AVIL: variants seen among roughly 807,000 people sequenced by gnomAD.
AVIL encodes the protein advillin.
A neutral mutation model predicts 109.9 loss-of-function variants in AVIL; 78 were observed. The ratio of observed to expected loss-of-function variants is 0.71; its 90% CI spans 0.59 to 0.86. AVIL has a LOEUF of 0.86. AVIL is among the 40% of genes least tolerant of loss of function. The probability of loss-of-function intolerance (pLI) is 0.00; values close to 1 mark genes in which losing one functional copy is unlikely to be tolerated. For missense variants in AVIL, 892 were observed against 1,016.5 expected (o/e 0.88, Z 1.67); for synonymous variants, 367 against 379.1 (o/e 0.97, Z 0.37).
Position 57,808,235 on chromosome 12 carries a change from C to A in AVIL, c.1153G>T (p.Ala385Ser). 1 of 1,614,208 alleles carries A rather than the reference C, an allele frequency of 6.2e-7. No homozygotes were observed. Among genetic ancestry groups the A allele is most frequent in the South Asian group, 1.1e-5 (1 of 91,086 alleles). Residue 385 changes from alanine to serine, a missense_variant, in exon 11 of 20, where the codon GCC becomes TCC. Coordinates refer to ENST00000549994, the MANE Select transcript of AVIL (RefSeq NM_006576.4). Reference sequence around the variant, plus strand: ...CCATCATCGACCATTCTTTCCTGGGCAGCTACCTCTGGCTTGGTGTGTAGC... The same window carrying A: ...CCATCATCGACCATTCTTTCCTGGGAAGCTACCTCTGGCTTGGTGTGTAGC... ...TLLHTKPEVAAQERMVDDGNG... is the reference protein window; with the variant it reads ...TLLHTKPEVASQERMVDDGNG...
intron 3 of AVIL, 64 bp from the exon 4 acceptor site, chr12:57,813,487 G>A: frequency 6.7e-7 from 1 of 1,491,524 alleles, no homozygotes; most frequent in Middle Eastern, 2.4e-4. Context: ...GCTGGCCCCT[G>A]TTATGGGGAG....
At chr12:57,803,103 T>G (rs1595159756) in intron 16 of AVIL, 144 bp downstream of exon 16, 2 of 1,094,628 alleles carry the variant, frequency 1.8e-6, no homozygotes, top group East Asian at 4.9e-5. Flanking sequence ...CGGGCTTTCT[T>G]TTGGTCACTG....
Position 57,806,351 on chromosome 12 carries a change from C to T in AVIL, c.1671+9G>A. ...GGGGCTGGTCTGACCCGGGGCCCAGCCATCCTACCTTGCCATACCACAGGT... is the reference window on the plus strand; with the variant it reads ...GGGGCTGGTCTGACCCGGGGCCCAGTCATCCTACCTTGCCATACCACAGGT... On this transcript the variant is annotated intron_variant, in intron 14 of 19. Coordinates refer to ENST00000549994, the MANE Select transcript of AVIL (RefSeq NM_006576.4). 1 of 1,613,916 alleles carries T rather than the reference C, an allele frequency of 6.2e-7. No homozygotes were observed. Among genetic ancestry groups the T allele is most frequent in the Non-Finnish European group, 8.5e-7 (1 of 1,179,974 alleles).
chr12:57,805,057 G>C (rs1955921740), intron 14 of AVIL, among the ~76,000 whole-genome samples: 1 of 152,014 alleles, frequency 6.6e-6, no homozygotes, highest in Non-Finnish European at 1.5e-5. Flanking sequence ...TAATTTTAGT[G>C]CATTTTATTT....
chr12:57,807,396 C>T lies in AVIL; in HGVS notation c.1426G>A (p.Val476Ile). The change falls in exon 13 of 20, where the codon GTC becomes ATC. Residue 476 changes from valine to isoleucine, a missense_variant. Physicochemically the swap from Val to Ile is conservative, Grantham distance 29. Coordinates refer to ENST00000549994, the MANE Select transcript of AVIL (RefSeq NM_006576.4). ...TGGCGTGGCTCCGTTCCCATCCTGA[C>T]TCGAACCTGCACAGCAGCCCCATCA... ...QFDGAAVQVR[V>I]RMGTEPRHFM... is the part of the protein sequence containing the mutation. 6.2e-7 allele frequency: 1 copy of T among 1,614,246 alleles called. No homozygotes were observed. Among genetic ancestry groups the T allele is most frequent in the Non-Finnish European group, 8.5e-7 (1 of 1,180,044 alleles).
At chr12:57,805,034 C>CT in intron 14 of AVIL, among the ~76,000 whole-genome samples, 1 of 152,096 alleles carries the variant, frequency 6.6e-6, no homozygotes, top group East Asian at 1.9e-4. Flanking sequence ...TTTTCCTGTT[C>CT]TTTTTTGTAA....
Position 57,814,244 on chromosome 12 carries a change from G to A in AVIL, c.67-18C>T. On this transcript the variant is annotated intron_variant, in intron 2 of 19. Coordinates refer to ENST00000549994, the MANE Select transcript of AVIL (RefSeq NM_006576.4). Reference sequence around the variant, plus strand: ...TCCATTTTCTGGAAGGACAAGGGGTGGGTATAGGCTACATCCCCTCCCACC... The same window carrying A: ...TCCATTTTCTGGAAGGACAAGGGGTAGGTATAGGCTACATCCCCTCCCACC... The A allele has an allele frequency of 6.2e-7, 1 of 1,607,706 alleles. No homozygotes were observed. Among genetic ancestry groups the A allele is most frequent in the Non-Finnish European group, 8.5e-7 (1 of 1,177,476 alleles).
chr12:57,816,091 T>A (rs527903499), intron 1 of AVIL, 32 bp from the exon 2 acceptor site: 1 of 1,554,780 alleles, frequency 6.4e-7, no homozygotes, highest in South Asian at 1.2e-5. Flanking sequence ...GGGGAGATGA[T>A]ATCTCTTGCC....
chr12:57,807,617 C>T lies in AVIL; in HGVS notation c.1305G>A (p.Lys435=). The T allele has an allele frequency of 6.2e-7, 1 of 1,614,236 alleles. No individual in the cohort carries two copies. The highest frequency in any genetic ancestry group is 1.1e-5 in the South Asian group (1 of 91,084). The change falls in exon 12 of 20, where the codon AAG becomes AAA. Residue 435 remains lysine (K), a synonymous_variant. Coordinates refer to ENST00000549994, the MANE Select transcript of AVIL (RefSeq NM_006576.4). ...LVLYTYEVNG[K]PHHILYIWQG... ...GCCAGATGTACAAGATGTGATGTGG[C>T]TTCCCATTTACCTCGTATGTGTAGA...
In AVIL at chr12:57,807,509, T is replaced by C. The variant is rs1248866516; in HGVS notation, c.1333-20A>G. ...GCGGCCCTGCAATGGTGAGAGGCCA[T>C]GAAGGACCCATGCTCCCCGCCCCAG... On this transcript the variant is annotated intron_variant, in intron 12 of 19. Coordinates refer to ENST00000549994, the MANE Select transcript of AVIL (RefSeq NM_006576.4). 3.1e-6 allele frequency: 5 copies of C among 1,614,086 alleles called. No individual in the cohort carries two copies. The highest frequency in any genetic ancestry group is 1.6e-4 in the Middle Eastern group (1 of 6,084).
intron 1 of AVIL, 22 bp from the exon 2 acceptor site, chr12:57,816,081 G>A: frequency 1.9e-6 from 3 of 1,578,656 alleles, no homozygotes; most frequent in Non-Finnish European, 2.6e-6. Context: ...CAGAACAAGA[G>A]GGGAGATGAT....
chr12:57,808,229 C>T lies in AVIL; in HGVS notation c.1159G>A (p.Glu387Lys). 6.2e-7 allele frequency: 1 copy of T among 1,614,204 alleles called. No homozygotes were observed. Among genetic ancestry groups the T allele is most frequent in the Non-Finnish European group, 8.5e-7 (1 of 1,180,042 alleles). Residue 387 changes from glutamate (E) to lysine (K), a missense_variant, in exon 11 of 20, where the codon GAA becomes AAA. Transcript: ENST00000549994. ...CCGTTGCCATCATCGACCATTCTTT[C>T]CTGGGCAGCTACCTCTGGCTTGGTG... ...LHTKPEVAAQ[E>K]RMVDDGNGKV...
chr12:57,803,764 G>A, intron 14 of AVIL, 95 bp from the exon 15 acceptor site: 1 of 1,489,436 alleles, frequency 6.7e-7, no homozygotes, highest in Non-Finnish European at 9.1e-7. Context: ...CAGTGTGCCA[G>A]GATCAGCTAC....
In AVIL at chr12:57,797,983, CAG is replaced by C; in HGVS notation, c.2357_2358del (p.Ser786Ter). On this transcript the variant is annotated frameshift_variant, in exon 20 of 20. Transcript: ENST00000549994. LOFTEE classifies it high-confidence loss of function. ...CCAAACACAGACACAAAGTCCTGTT[CAG>C]AGAGGTAATTCTAAGAGAGAAAACA... ...VNPAKKENYL[S>X]EQDFVSVFGI... 1 of 1,607,932 alleles carries C rather than the reference CAG, an allele frequency of 6.2e-7. No homozygotes were observed. The highest frequency in any genetic ancestry group is 8.5e-7 in the Non-Finnish European group (1 of 1,177,134).
At chr12:57,817,183 C>T (rs1239425418) in intron 1 of AVIL, among the ~76,000 whole-genome samples, 7 of 151,952 alleles carry the variant, frequency 4.6e-5, no homozygotes, top group African/African-American at 1.7e-4. Flanking sequence ...AGATTAATTT[C>T]TCCCAAGAGG....
intron 1 of AVIL, among the ~76,000 whole-genome samples, chr12:57,817,557 C>T (rs1956113440): frequency 6.6e-6 from 1 of 151,910 alleles, no homozygotes; most frequent in South Asian, 2.1e-4. Context: ...TCTTCAGACC[C>T]TACGTAGCAG....
At chr12:57,815,476 G>A (rs777500703) in intron 2 of AVIL, 3 of 870,200 alleles carry the variant, frequency 3.4e-6, no homozygotes, top group Non-Finnish European at 4.6e-6. Context: ...AGGCCAGGGT[G>A]GTTCCCAGCT....
At chr12:57,814,027 C>T (rs1358654269) in intron 3 of AVIL, 125 bp downstream of exon 3, 3 of 990,408 alleles carry the variant, frequency 3.0e-6, no homozygotes, top group East Asian at 5.3e-5. Flanking sequence ...CTCTGCATAG[C>T]ACTGAGGAAC....
At chr12:57,812,083 CG>C (rs1565837602) in intron 4 of AVIL, among the ~76,000 whole-genome samples, 1 of 152,154 alleles carries the variant, frequency 6.6e-6, no homozygotes, top group African/African-American at 2.4e-5. Flanking sequence ...CTTGACCTCC[CG>C]GGCTCAAGTG....
Sources: gnomAD v4.1 joint callset for allele counts (sites outside exome capture counted in the v4.1 genomes callset) on GRCh38, gnomAD v4.1.1 for gene constraint, MANE v1.5 for transcripts, NCBI Gene and HGNC (gene_info 2026-07-23, HGNC 2026-07-21) for gene names.